The following RBM27 variants were observed in gnomAD, a reference collection of about 807,000 sequenced individuals.
RBM27 encodes the protein RNA-binding protein 27.
A neutral mutation model predicts 135.3 loss-of-function variants in RBM27; 22 were observed. That is an observed-to-expected ratio of 0.16 (90% CI 0.12 to 0.23). RBM27 has a LOEUF of 0.23. Among genes scored for constraint, RBM27 ranks in the 10% least tolerant of loss-of-function variants. RBM27 has a pLI of 1.00. For synonymous variants in RBM27, 481 were observed against 442.4 expected (o/e 1.09, Z -1.10); for missense variants, 1,009 against 1,281.0 (o/e 0.79, Z 3.24).
intron 1 of RBM27, 43 bp downstream of exon 1, chr5:146,203,867 TG>T: frequency 3.9e-6 from 1 of 254,998 alleles, no homozygotes; most frequent in Non-Finnish European, 6.2e-6. Flanking sequence ...ACGTGGGCGT[TG>T]GGGGCTCGCG....
At chr5:146,204,196 G>A (rs1161595285) in intron 1 of RBM27, among the ~76,000 whole-genome samples, 1 of 152,190 alleles carries the variant, frequency 6.6e-6, no homozygotes. Flanking sequence ...ATATTGAGAT[G>A]TCGAAGGGAA....
chr5:146,249,346 T>G (rs1437121573), intron 8 of RBM27, among the ~76,000 whole-genome samples: 1 of 152,128 alleles, frequency 6.6e-6, no homozygotes, highest in Non-Finnish European at 1.5e-5. Flanking sequence ...AGTAATTCCC[T>G]GCCATTGATT....
chr5:146,213,845 G>A (rs560963696), intron 1 of RBM27, among the ~76,000 whole-genome samples: 15 of 152,254 alleles, frequency 9.9e-5, no homozygotes, highest in Non-Finnish European at 1.5e-4. Flanking sequence ...AGCTTACTCC[G>A]ATAAAAATTT....
In RBM27 at chr5:146,264,121, CA is replaced by C. The variant is rs1417656806; in HGVS notation, c.2331+496del. Reference sequence around the variant, plus strand: ...ACCCTGTGTCAAAAAAAAAAAAACACAAAAAACAAAAACCAAGTTAAGTAGG... The same window carrying C: ...ACCCTGTGTCAAAAAAAAAAAAACACAAAAACAAAAACCAAGTTAAGTAGG... On this transcript the variant is annotated intron_variant, in intron 14 of 20. Transcript: ENST00000265271. Among the ~76,000 whole-genome samples the C allele has an allele frequency of 2.2e-3, 327 of 150,774 alleles. 1 individual carries two copies. The highest frequency in any genetic ancestry group is 3.6e-3 in the Non-Finnish European group (247 of 67,718).
chr5:146,259,164 AT>A (rs1758252176), intron 11 of RBM27, among the ~76,000 whole-genome samples: 1 of 152,118 alleles, frequency 6.6e-6, no homozygotes, highest in Admixed American at 6.5e-5. Flanking sequence ...AAAAAATGAA[AT>A]CAACGGTGAA....
chr5:146,230,904 C>T lies in RBM27; in HGVS notation c.837C>T (p.Cys279=). 1 of 1,614,166 alleles carries T rather than the reference C, an allele frequency of 6.2e-7. No individual in the cohort carries two copies. The highest frequency in any genetic ancestry group is 8.5e-7 in the Non-Finnish European group (1 of 1,180,010). Residue 279 remains cysteine (C), a synonymous_variant, in exon 6 of 21, where the codon TGC becomes TGT. Transcript: ENST00000265271. ...GAAACCTACCACCAAAGAGGCGATG[C>T]AGAGATTATGATGGTAAAAATCACC... is the stretch of plus-strand genomic sequence containing the variant. ...FGRNLPPKRR[C]RDYDERGFCV... is the part of the protein sequence containing the mutation.
chr5:146,278,205 G>A (rs572593682), intron 19 of RBM27, among the ~76,000 whole-genome samples: 1 of 152,258 alleles, frequency 6.6e-6, no homozygotes, highest in African/African-American at 2.4e-5. Context: ...TTGGGCGTCA[G>A]TTTCTAATCG....
intron 6 of RBM27, among the ~76,000 whole-genome samples, chr5:146,231,700 C>T (rs1661029979): frequency 6.6e-6 from 1 of 152,090 alleles, no homozygotes; most frequent in Non-Finnish European, 1.5e-5. Context: ...TCACTGCAGC[C>T]TCTGACTCCC....
At chr5:146,259,933 A>ACTGCAGT (rs1456605702) in intron 11 of RBM27, among the ~76,000 whole-genome samples, 1 of 132,634 alleles carries the variant, frequency 7.5e-6, no homozygotes, top group Non-Finnish European at 1.5e-5. Flanking sequence ...AGATTGCGCC[A>ACTGCAGT]CTGCAGTCCG....
At chr5:146,209,876 A>G (rs937390785) in intron 1 of RBM27, among the ~76,000 whole-genome samples, 1 of 152,182 alleles carries the variant, frequency 6.6e-6, no homozygotes, top group Non-Finnish European at 1.5e-5. Flanking sequence ...TTAGTCTACT[A>G]ACTTAAGAAC....
chr5:146,259,504 CAAAAAAAAAAAAAA>C (rs35438348), intron 11 of RBM27, among the ~76,000 whole-genome samples: 1 of 61,658 alleles, frequency 1.6e-5, no homozygotes, highest in Non-Finnish European at 3.0e-5. Flanking sequence ...AACTCTGTCT[CAAAAAAAAAAAAAA>C]AAAAAAAAAG....
chr5:146,253,919 A>G (rs1758000196), intron 9 of RBM27, among the ~76,000 whole-genome samples: 1 of 152,200 alleles, frequency 6.6e-6, no homozygotes, highest in Non-Finnish European at 1.5e-5. Flanking sequence ...AATCACTTCT[A>G]TACTGTAAAT....
In RBM27 at chr5:146,251,882, T is replaced by C. The variant is rs532120246; in HGVS notation, c.1444+7T>C. The C allele has an allele frequency of 8.7e-6, 14 of 1,612,812 alleles. No individual in the cohort carries two copies. The South Asian group carries it at 8.8e-5, about 10-fold the overall frequency. The stretch of plus-strand genomic sequence containing the variant: ...CCTACCCCTCTGGTTCCAGGTAAGC[T>C]TTGCTACAGATGGCCATCCACCTCA... On this transcript the variant is annotated splice_region_variant and intron_variant, in intron 9 of 20. Transcript: ENST00000265271.
chr5:146,254,289 C>T lies in RBM27; in HGVS notation c.1445-654C>T, dbSNP rs904976205. ...GGGCAAGATAGTGAGACTCCATCTC[C>T]GTTTTTTTAAAATTAGAAAAAAAAG... is the stretch of plus-strand genomic sequence containing the variant. On this transcript the variant is annotated intron_variant, in intron 9 of 20. Transcript: ENST00000265271. Among the ~76,000 whole-genome samples, 4 of 151,658 alleles carry T rather than the reference C, an allele frequency of 2.6e-5. No individual in the cohort carries two copies. In the South Asian group the frequency reaches 6.2e-4, roughly 24 times the overall value.
intron 19 of RBM27, among the ~76,000 whole-genome samples, chr5:146,279,077 GTATA>G (rs1249342780): frequency 1.3e-5 from 2 of 152,108 alleles, no homozygotes; most frequent in Non-Finnish European, 2.9e-5. Context: ...GTGAGAGAAT[GTATA>G]TGTATGTGTA....
intron 10 of RBM27, among the ~76,000 whole-genome samples, chr5:146,256,894 AAATT>A (rs1221978321): frequency 2.0e-5 from 3 of 152,206 alleles, no homozygotes; most frequent in Non-Finnish European, 4.4e-5. Flanking sequence ...AAATTAAAAA[AAATT>A]AATTAAAAAA....
intron 19 of RBM27, among the ~76,000 whole-genome samples, chr5:146,283,544 A>G (rs1274883006): frequency 6.7e-6 from 1 of 149,412 alleles, no homozygotes; most frequent in Non-Finnish European, 1.5e-5. Flanking sequence ...TCTCAAAAAG[A>G]AAAAAAAAAG....
chr5:146,223,000 C>T (rs929450810), intron 2 of RBM27, among the ~76,000 whole-genome samples: 5 of 152,014 alleles, frequency 3.3e-5, no homozygotes, highest in Non-Finnish European at 5.9e-5. Context: ...TTATTTTTTT[C>T]AGTTTCTTTA....
intron 3 of RBM27, among the ~76,000 whole-genome samples, chr5:146,225,877 T>C (rs1054807171): frequency 1.3e-5 from 2 of 152,014 alleles, no homozygotes; most frequent in African/African-American, 4.8e-5. Flanking sequence ...TTTCTGGTTT[T>C]TTTTAGACAG....
Sources: allele counts gnomAD v4.1 joint callset (sites outside exome capture counted in the v4.1 genomes callset), GRCh38; gene constraint gnomAD v4.1.1; transcripts MANE v1.5; gene names NCBI Gene and HGNC (gene_info 2026-07-23, HGNC 2026-07-21).